The following MALRD1 variants were observed in gnomAD, a reference collection of about 807,000 sequenced individuals.
The protein encoded by MALRD1 is MAM and LDL receptor class A domain containing 1.
A neutral mutation model predicts 242.1 loss-of-function variants in MALRD1; 247 were observed. The ratio of observed to expected loss-of-function variants is 1.02; its 90% CI spans 0.92 to 1.13. MALRD1 has a LOEUF of 1.13. MALRD1 is among the 50% of genes most tolerant of loss of function. The pLI is 0.00. For synonymous variants in MALRD1, 995 were observed against 866.6 expected (o/e 1.15, Z -2.60); for missense variants, 2,989 against 2,533.1 (o/e 1.18, Z -3.86).
intron 38 of MALRD1, among the ~76,000 whole-genome samples, chr10:19,709,578 A>T (rs977961400): frequency 3.9e-5 from 6 of 152,166 alleles, no homozygotes; most frequent in Non-Finnish European, 7.3e-5. Flanking sequence ...CAGGTCTGAA[A>T]TTCTATGATT....
intron 21 of MALRD1, 41 bp downstream of exon 21, chr10:19,283,222 T>C (rs1840909016): frequency 7.2e-7 from 1 of 1,379,500 alleles, no homozygotes; most frequent in Admixed American, 2.7e-5. Context: ...TTGGGAAATA[T>C]TTATTAAGCA....
chr10:19,132,486 C>T (rs529909290), intron 8 of MALRD1, among the ~76,000 whole-genome samples: 9 of 152,158 alleles, frequency 5.9e-5, no homozygotes, highest in South Asian at 4.1e-4. Context: ...TTTAGGTCTT[C>T]GAAATTTGGA....
intron 18 of MALRD1, among the ~76,000 whole-genome samples, chr10:19,230,763 T>C (rs949150517): frequency 5.3e-5 from 8 of 152,260 alleles, no homozygotes; most frequent in Admixed American, 2.6e-4. Context: ...GTAATTATCG[T>C]TCTCTAAAGG....
At chr10:19,347,646 C>A in intron 24 of MALRD1, 125 bp from the exon 25 acceptor site, 2 of 1,126,410 alleles carry the variant, frequency 1.8e-6, no homozygotes, top group South Asian at 1.6e-5. Context: ...ATGTTGCTAT[C>A]AGGATAGCAT....
rs1460972298 is a variant in MALRD1, at chr10:19,734,191, G to T, written c.6425G>T (p.Gly2142Val). Residue 2142 changes from glycine to valine, a missense_variant, in exon 40 of 40, where the codon GGC (glycine) becomes GTC (valine). Gly to Val is a moderately radical substitution (Grantham distance 109). Transcript: ENST00000454679. ...TATTCCTTCTCAAACCCATTATATG[G>T]CACAACATCAGGAAGCCTGGAGACC... ...SVYSFSNPLY[G>V]TTSGSLETLS... 2 of 1,535,458 alleles carry T rather than the reference G, an allele frequency of 1.3e-6. No homozygotes were observed.
At position 19,345,329 on chromosome 10, in the gene MALRD1, A is replaced by G. The variant is rs528922959; in HGVS notation, c.3902-2442A>G. Among the ~76,000 whole-genome samples, 8 of 152,284 alleles carry G rather than the reference A, an allele frequency of 5.3e-5. No homozygotes were observed. In the East Asian group the frequency reaches 5.8e-4, roughly 11 times the overall value. On this transcript the variant is annotated intron_variant, in intron 24 of 39. Transcript: ENST00000454679. ...AAATGGCCTCTCTAGATGCTGCTCT[A>G]TATGCTAATATATTTCTCACAGGCT...
chr10:19,378,602 G>C (rs995901216), intron 26 of MALRD1, among the ~76,000 whole-genome samples: 2 of 152,044 alleles, frequency 1.3e-5, no homozygotes, highest in Non-Finnish European at 2.9e-5. Context: ...AAAATATCTT[G>C]TGATTTTCCC....
At chr10:19,197,771 A>T (rs1362326464) in intron 14 of MALRD1, among the ~76,000 whole-genome samples, 2 of 151,930 alleles carry the variant, frequency 1.3e-5, no homozygotes, top group East Asian at 3.8e-4. Flanking sequence ...CCCTTTTACC[A>T]TTACTTATTT....
intron 14 of MALRD1, among the ~76,000 whole-genome samples, chr10:19,195,119 A>G (rs1052748434): frequency 3.3e-4 from 50 of 152,312 alleles, no homozygotes; most frequent in Non-Finnish European, 6.0e-4. Context: ...CAACTTGATT[A>G]TCAGATAGAA....
intron 38 of MALRD1, among the ~76,000 whole-genome samples, chr10:19,712,625 A>G (rs1564561917): frequency 6.6e-6 from 1 of 152,232 alleles, no homozygotes; most frequent in East Asian, 1.9e-4. Context: ...TCAACATTGA[A>G]TTAGTTTTCA....
intron 36 of MALRD1, among the ~76,000 whole-genome samples, chr10:19,669,099 A>G (rs1841804509): frequency 6.6e-6 from 1 of 152,240 alleles, no homozygotes; most frequent in Admixed American, 6.5e-5. Flanking sequence ...TGAAAGAATC[A>G]CCGGAAGCTG....
In MALRD1 at chr10:19,048,910, G is replaced by A; in HGVS notation, c.-29G>A. ...AATGATGGACTTACTTATTACAACT[G>A]CTTGATCTCTAATAGACAATACCAA... On this transcript the variant is annotated 5_prime_UTR_variant, in exon 1 of 40. Coordinates refer to ENST00000454679, the MANE Select transcript of MALRD1 (RefSeq NM_001142308.3). The A allele has an allele frequency of 8.2e-7, 1 of 1,223,874 alleles. No individual in the cohort carries two copies. The highest frequency in any genetic ancestry group is 1.0e-6 in the Non-Finnish European group (1 of 978,980). 75.8% of individuals were successfully genotyped at this position (1,223,874 alleles called of 1,614,324 possible). A position where few individuals can be genotyped will look rare whatever the true frequency, so the allele number is the denominator to read the frequency against.
chr10:19,719,233 T>TACATACATAC (rs1441655459), intron 38 of MALRD1, among the ~76,000 whole-genome samples: 7,264 of 110,420 alleles, frequency 0.066, 918 homozygotes, highest in African/African-American at 0.18. Flanking sequence ...CATATATATA[T>TACATACATAC]ATATATATAT....
intron 31 of MALRD1, among the ~76,000 whole-genome samples, chr10:19,528,570 C>T (rs973337269): frequency 4.6e-5 from 7 of 151,938 alleles, no homozygotes; most frequent in Admixed American, 1.3e-4. Flanking sequence ...TCCAGCCTGG[C>T]GACAGAGCAA....
At chr10:19,649,136 A>G (rs756993760) in intron 36 of MALRD1, among the ~76,000 whole-genome samples, 1 of 152,152 alleles carries the variant, frequency 6.6e-6, no homozygotes, top group Admixed American at 6.6e-5. Flanking sequence ...CCAGTCTGTC[A>G]TTGATGGGCA....
chr10:19,058,846 A>G (rs1416420677), intron 1 of MALRD1, among the ~76,000 whole-genome samples: 4 of 152,116 alleles, frequency 2.6e-5, no homozygotes, highest in African/African-American at 9.6e-5. Context: ...TATGAAAAAT[A>G]AAAAAAGTAT....
rs966315987 is a variant in MALRD1, at chr10:19,205,081, C to T, written c.2394C>T (p.Gly798=). 1.3e-6 allele frequency: 2 copies of T among 1,550,548 alleles called. No homozygotes were observed. The highest frequency in any genetic ancestry group is 3.9e-5 in the Admixed American group (2 of 50,950). The change falls in exon 17 of 40, where the codon GGC becomes GGT. Residue 798 remains glycine (G), a synonymous_variant. Coordinates refer to ENST00000454679, the MANE Select transcript of MALRD1 (RefSeq NM_001142308.3). ...FHLSLDKVSL[G]IYDGVSAIDD... is the part of the protein sequence containing the mutation. ...TGTCACTAGATAAAGTCAGTCTGGG[C>T]ATTTATGATGGGGTCTCAGCTATTG...
chr10:19,051,933 A>C lies in MALRD1; in HGVS notation c.199+2796A>C, dbSNP rs904941605. The C allele has an allele frequency of 3.7e-5, 7 of 191,462 alleles. No individual in the cohort carries two copies. The East Asian group carries it at 4.5e-4, about 12-fold the overall frequency. 11.9% of individuals were successfully genotyped at this position (191,462 alleles called of 1,614,324 possible). A position where few individuals can be genotyped will look rare whatever the true frequency, so the allele number is the denominator to read the frequency against. ...CGAGACTCCGTCTCAAAAAAAAAAA[A>C]AAAAAAAAAAAAAAAAAAAGGAAAG... is the stretch of plus-strand genomic sequence containing the variant. On this transcript the variant is annotated intron_variant, in intron 1 of 39. Coordinates refer to ENST00000454679, the MANE Select transcript of MALRD1 (RefSeq NM_001142308.3).
At chr10:19,352,676 T>G (rs1255186273) in intron 26 of MALRD1, among the ~76,000 whole-genome samples, 1 of 152,194 alleles carries the variant, frequency 6.6e-6, no homozygotes, top group Admixed American at 6.6e-5. Flanking sequence ...TAATTAGACA[T>G]TTTTGTGGTT....
Sources: allele counts gnomAD v4.1 joint callset (sites outside exome capture counted in the v4.1 genomes callset), GRCh38; gene constraint gnomAD v4.1.1; transcripts MANE v1.5; gene names NCBI Gene and HGNC (gene_info 2026-07-23, HGNC 2026-07-21).